Variants in STXBP5L observed in about 807,000 individuals in gnomAD.
STXBP5L encodes syntaxin binding protein 5L, also known as syntaxin-binding protein 5-like.
Under a neutral mutation model 144.5 loss-of-function variants are expected in STXBP5L, and 65 were observed. That is an observed-to-expected ratio of 0.45 (90% CI 0.37 to 0.55). STXBP5L has a LOEUF of 0.55. Among genes scored for constraint, STXBP5L ranks in the 20% least tolerant of loss-of-function variants. The pLI is 0.00. For synonymous variants in STXBP5L, 505 were observed against 469.6 expected, an observed-to-expected ratio of 1.08 and a Z score of -0.97; for missense variants, 1,298 against 1,405.5, an observed-to-expected ratio of 0.92 and a Z score of 1.22.
chr3:121,034,684 A>G (rs1190119791), intron 3 of STXBP5L, among the ~76,000 whole-genome samples: 3 of 152,160 alleles, frequency 2.0e-5, no homozygotes, highest in African/African-American at 7.2e-5. Flanking sequence ...CAATAAACTT[A>G]TAAGTGGAAT....
chr3:121,260,469 C>T (rs2050348107), intron 18 of STXBP5L, among the ~76,000 whole-genome samples: 1 of 151,780 alleles, frequency 6.6e-6, no homozygotes, highest in Non-Finnish European at 1.5e-5. Context: ...AAAAGTCCTT[C>T]CTCACTTCAA....
intron 5 of STXBP5L, among the ~76,000 whole-genome samples, chr3:121,092,156 C>G (rs1340586004): frequency 6.6e-6 from 1 of 152,112 alleles, no homozygotes; most frequent in Non-Finnish European, 1.5e-5. Context: ...CAGTACCATG[C>G]TGTTTTGGTT....
intron 22 of STXBP5L, among the ~76,000 whole-genome samples, chr3:121,395,076 T>A (rs1485230083): frequency 2.0e-5 from 3 of 152,226 alleles, no homozygotes; most frequent in Non-Finnish European, 4.4e-5. Context: ...TATCATTCTT[T>A]GTGAAAATTC....
rs571035488 is a variant in STXBP5L at position 120,923,480 on chromosome 3, A to G, written c.189+13713A>G. ...TTGATCTAGGTGTTTAATGCTATCA[A>G]CTTCTCTCCTAGTACTGCTTTTGCT... On this transcript the variant is annotated intron_variant, in intron 2 of 26. Transcript: ENST00000471454. 1.3e-4 allele frequency among the ~76,000 whole-genome samples: 20 copies of G among 151,812 alleles called. No homozygotes were observed. The South Asian group carries it at 2.7e-3, about 21-fold the overall frequency.
chr3:121,201,829 T>A (rs1216544790), intron 9 of STXBP5L, among the ~76,000 whole-genome samples: 2 of 152,166 alleles, frequency 1.3e-5, no homozygotes, highest in Non-Finnish European at 2.9e-5. Context: ...TTTAAGAATG[T>A]TGAATATTGG....
At chr3:121,264,216 T>C (rs2050479050) in intron 18 of STXBP5L, among the ~76,000 whole-genome samples, 1 of 152,166 alleles carries the variant, frequency 6.6e-6, no homozygotes, top group South Asian at 2.1e-4. Flanking sequence ...AAACTAAGCT[T>C]CATAAGCAAA....
chr3:121,022,266 A>G (rs1576686129), intron 3 of STXBP5L, among the ~76,000 whole-genome samples: 1 of 152,106 alleles, frequency 6.6e-6, no homozygotes, highest in Non-Finnish European at 1.5e-5. Context: ...AAGCAGCAAG[A>G]TTGAAATTGT....
chr3:121,026,227 T>A (rs1404577757), intron 3 of STXBP5L, among the ~76,000 whole-genome samples: 1 of 151,798 alleles, frequency 6.6e-6, no homozygotes, highest in African/African-American at 2.4e-5. Flanking sequence ...ATTAACCTTT[T>A]ACAGTTCTTT....
chr3:121,094,529 G>A (rs2043009001), intron 5 of STXBP5L, among the ~76,000 whole-genome samples: 2 of 151,876 alleles, frequency 1.3e-5, no homozygotes, highest in Admixed American at 6.6e-5. Context: ...TTATGTAATG[G>A]CCTTCTTTGT....
At chr3:121,054,985 T>C (rs1948345885) in intron 5 of STXBP5L, among the ~76,000 whole-genome samples, 1 of 152,070 alleles carries the variant, frequency 6.6e-6, no homozygotes, top group Non-Finnish European at 1.5e-5. Flanking sequence ...GGAGGAAGAA[T>C]TGATTAGTGG....
intron 22 of STXBP5L, among the ~76,000 whole-genome samples, chr3:121,401,894 TAA>T (rs71133532): frequency 0.037 from 5,142 of 137,516 alleles, 113 homozygotes; most frequent in African/African-American, 0.072. Context: ...TAGAGTATAA[TAA>T]AAAAAAAAAA....
At chr3:121,263,782 G>A (rs545815721) in intron 18 of STXBP5L, among the ~76,000 whole-genome samples, 2 of 152,210 alleles carry the variant, frequency 1.3e-5, no homozygotes, top group African/African-American at 4.8e-5. Flanking sequence ...GAAAAGGAAT[G>A]AACAAAGCCT....
intron 9 of STXBP5L, among the ~76,000 whole-genome samples, chr3:121,200,910 G>A (rs565790654): frequency 4.6e-5 from 7 of 152,218 alleles, no homozygotes; most frequent in East Asian, 1.9e-4. Flanking sequence ...CAATTGTGTG[G>A]TCAATTTTAG....
rs751171495 is a variant in STXBP5L at position 121,381,158 on chromosome 3, G to T, written c.2348-135G>T. ...CAAAATAAGCTGGTGAACTGGATAA[G>T]CTCCCTCTCAGGTCAATTAACAAAC... On this transcript the variant is annotated intron_variant, in intron 21 of 26. Transcript: ENST00000471454. 3.3e-5 allele frequency: 28 copies of T among 839,286 alleles called. No individual in the cohort carries two copies. The South Asian group carries it at 4.0e-4, about 12-fold the overall frequency. The allele number at this position is 839,286 out of a possible 1,614,324, so 52.0% of individuals were successfully genotyped here. A position where few individuals can be genotyped will look rare whatever the true frequency, so the allele number is the denominator to read the frequency against.
At chr3:121,186,341 G>A (rs758376325) in intron 9 of STXBP5L, among the ~76,000 whole-genome samples, 11 of 152,188 alleles carry the variant, frequency 7.2e-5, no homozygotes, top group Non-Finnish European at 1.2e-4. Flanking sequence ...ATGTTGAATA[G>A]GAGTGGTGAG....
intron 9 of STXBP5L, among the ~76,000 whole-genome samples, chr3:121,191,604 T>C (rs910397168): frequency 5.3e-5 from 8 of 151,878 alleles, no homozygotes; most frequent in Non-Finnish European, 8.8e-5. Flanking sequence ...AGAAAGTCAT[T>C]GGTAGCTTGA....
At position 121,239,034 on chromosome 3, in the gene STXBP5L, A is replaced by G; in HGVS notation, c.1248A>G (p.Ala416=). ...ATGAATCACCAGTTACATGCACAGC[A>G]TACTTTGCAGATTGTCCTCCGGATT... is the stretch of plus-strand genomic sequence containing the variant. The part of the protein sequence containing the change: ...DIHESPVTCT[A]YFADCPPDLI... The change falls in exon 13 of 27, where the codon GCA becomes GCG. Residue 416 remains alanine, a synonymous_variant. Coordinates refer to ENST00000471454, the MANE Select transcript of STXBP5L (RefSeq NM_001308330.2). 6.2e-7 allele frequency: 1 copy of G among 1,610,286 alleles called. No individual in the cohort carries two copies. The highest frequency in any genetic ancestry group is 1.1e-5 in the South Asian group (1 of 90,502).
chr3:121,100,267 A>G (rs542015328), intron 5 of STXBP5L, among the ~76,000 whole-genome samples: 1 of 152,270 alleles, frequency 6.6e-6, no homozygotes, highest in South Asian at 2.1e-4. Context: ...ATGTCTACAT[A>G]ATACTCCACC....
rs564070844 is a variant in STXBP5L at position 121,075,603 on chromosome 3, C to T, written c.470+30068C>T. Among the ~76,000 whole-genome samples, 8 of 152,332 alleles carry T rather than the reference C, an allele frequency of 5.3e-5. No individual in the cohort carries two copies. The South Asian group carries it at 1.7e-3, about 32-fold the overall frequency. Reference sequence around the variant, plus strand: ...TTAACCATACACTGATTACCTGCAGCCTCTGTGTCAAATGGCGTGTAAAGC... The same window carrying T: ...TTAACCATACACTGATTACCTGCAGTCTCTGTGTCAAATGGCGTGTAAAGC... On this transcript the variant is annotated intron_variant, in intron 5 of 26. Transcript: ENST00000471454.
Sources: gnomAD v4.1 joint callset for allele counts (sites outside exome capture counted in the v4.1 genomes callset) on GRCh38, gnomAD v4.1.1 for gene constraint, MANE v1.5 for transcripts, NCBI Gene and HGNC (gene_info 2026-07-23, HGNC 2026-07-21) for gene names.